The following GALNTL6 variants were observed in gnomAD, a reference collection of about 807,000 sequenced individuals.
GALNTL6 encodes polypeptide N-acetylgalactosaminyltransferase like 6.
In GALNTL6, 46 loss-of-function variants were observed where a neutral mutation model predicts 73.7. That is an observed-to-expected ratio of 0.62 (90% CI 0.49 to 0.80). The LOEUF (loss-of-function observed/expected upper bound fraction) is 0.80. GALNTL6 is among the 30% of genes least tolerant of loss of function. The probability of loss-of-function intolerance (pLI) is 0.00; values close to 1 mark genes in which losing one functional copy is unlikely to be tolerated. For missense variants in GALNTL6, 604 were observed against 755.0 expected, an observed-to-expected ratio of 0.80 and a Z score of 2.34; for synonymous variants, 259 against 263.7, an observed-to-expected ratio of 0.98 and a Z score of 0.17.
intron 4 of GALNTL6, among the ~76,000 whole-genome samples, chr4:172,343,971 C>A (rs914876590): frequency 6.6e-6 from 1 of 152,028 alleles, no homozygotes; most frequent in Admixed American, 6.6e-5. Context: ...TCCTAAACTG[C>A]AAGGTAATTT....
At chr4:171,833,733 C>G (rs958749066) in intron 2 of GALNTL6, among the ~76,000 whole-genome samples, 4 of 151,722 alleles carry the variant, frequency 2.6e-5, no homozygotes, top group Admixed American at 6.6e-5. Context: ...TTAGCATAGA[C>G]TTTGAGCTAT....
At chr4:172,005,566 C>A (rs998275809) in intron 2 of GALNTL6, among the ~76,000 whole-genome samples, 6 of 152,146 alleles carry the variant, frequency 3.9e-5, no homozygotes, top group Non-Finnish European at 1.5e-5. Context: ...AGTATATCCC[C>A]TCTCCCATCC....
chr4:172,653,251 C>G (rs1740572795), intron 5 of GALNTL6, among the ~76,000 whole-genome samples: 1 of 146,812 alleles, frequency 6.8e-6, no homozygotes, highest in Non-Finnish European at 1.5e-5. Flanking sequence ...CAAAATTTCA[C>G]TTTTTTGCCC....
chr4:172,740,781 G>A (rs1213159649), intron 5 of GALNTL6, among the ~76,000 whole-genome samples: 4 of 152,062 alleles, frequency 2.6e-5, no homozygotes, highest in Non-Finnish European at 4.4e-5. Flanking sequence ...GTTACCTAGT[G>A]TGTGTAGGTG....
chr4:172,067,142 A>G (rs1409463367), intron 2 of GALNTL6, among the ~76,000 whole-genome samples: 2 of 151,922 alleles, frequency 1.3e-5, no homozygotes, highest in Non-Finnish European at 2.9e-5. Flanking sequence ...TTGATCAACT[A>G]GATCATACAT....
At chr4:172,122,353 G>C (rs1733175015) in intron 2 of GALNTL6, among the ~76,000 whole-genome samples, 2 of 151,968 alleles carry the variant, frequency 1.3e-5, no homozygotes. Flanking sequence ...CCAATGTCTT[G>C]GAAAAAAGCT....
intron 5 of GALNTL6, among the ~76,000 whole-genome samples, chr4:172,618,116 C>G (rs936822597): frequency 6.6e-6 from 1 of 152,148 alleles, no homozygotes; most frequent in Non-Finnish European, 1.5e-5. Context: ...AGTTAGGCAG[C>G]CTTTTTTCTG....
chr4:172,905,812 CAAAAA>C (rs397996287), intron 8 of GALNTL6, among the ~76,000 whole-genome samples: 32 of 69,684 alleles, frequency 4.6e-4, no homozygotes, highest in South Asian at 1.3e-3. Flanking sequence ...AGAGATCACT[CAAAAA>C]AAAAAAAAAA....
intron 8 of GALNTL6, among the ~76,000 whole-genome samples, chr4:172,913,673 G>A (rs557654707): frequency 1.3e-5 from 2 of 152,098 alleles, no homozygotes; most frequent in Non-Finnish European, 2.9e-5. Context: ...GAAATGAAGT[G>A]AGAAGAGAAG....
intron 2 of GALNTL6, among the ~76,000 whole-genome samples, chr4:172,221,144 G>A (rs572532999): frequency 2.6e-5 from 4 of 151,832 alleles, no homozygotes; most frequent in Admixed American, 2.6e-4. Context: ...TGGTTTCTTT[G>A]TCACTATCAC....
At chr4:171,884,531 T>C (rs1368265851) in intron 2 of GALNTL6, among the ~76,000 whole-genome samples, 4 of 151,474 alleles carry the variant, frequency 2.6e-5, no homozygotes, top group African/African-American at 9.7e-5. Context: ...TATATACATA[T>C]ATAGTATATA....
intron 10 of GALNTL6, among the ~76,000 whole-genome samples, chr4:172,957,733 AAATATTGAC>A (rs1362667191): frequency 6.6e-6 from 1 of 152,220 alleles, no homozygotes; most frequent in Non-Finnish European, 1.5e-5. Flanking sequence ...GAGTCAGTAT[AAATATTGAC>A]GTGTAGTCCT....
intron 2 of GALNTL6, among the ~76,000 whole-genome samples, chr4:172,076,183 T>A (rs762579875): frequency 3.3e-5 from 5 of 152,222 alleles, no homozygotes; most frequent in Non-Finnish European, 7.3e-5. Context: ...GTTTCTCTGG[T>A]GGCTTTCATT....
At chr4:172,034,505 G>T (rs2110827383) in intron 2 of GALNTL6, among the ~76,000 whole-genome samples, 1 of 150,628 alleles carries the variant, frequency 6.6e-6, no homozygotes, top group East Asian at 2.0e-4. Context: ...AGAATATTCA[G>T]CATATATACT....
intron 7 of GALNTL6, among the ~76,000 whole-genome samples, chr4:172,867,483 G>GA (rs1561002298): frequency 6.6e-6 from 1 of 152,176 alleles, no homozygotes; most frequent in African/African-American, 2.4e-5. Flanking sequence ...GTGGCAGGAA[G>GA]AAAAATGAGA....
chr4:172,662,925 T>C (rs888959053), intron 5 of GALNTL6, among the ~76,000 whole-genome samples: 3 of 152,196 alleles, frequency 2.0e-5, no homozygotes, highest in African/African-American at 7.2e-5. Context: ...AAGGAGCTGA[T>C]ATGTGACCTG....
rs368304459 is a variant in GALNTL6, at chr4:172,562,917, G to A, written c.553+214228G>A. 1.4e-3 allele frequency among the ~76,000 whole-genome samples: 220 copies of A among 152,274 alleles called. 10 individuals carry two copies. In the South Asian group the frequency reaches 0.045, roughly 31 times the overall value. On this transcript the variant is annotated intron_variant, in intron 5 of 12. Transcript: ENST00000506823. ...TGATCTTAGCCTTGTTTCTCTAACTGTTCATGAGGCTATAGTTAGTATTTA... is the reference window on the plus strand; with the variant it reads ...TGATCTTAGCCTTGTTTCTCTAACTATTCATGAGGCTATAGTTAGTATTTA...
chr4:172,264,515 T>A (rs1289965000), intron 3 of GALNTL6, among the ~76,000 whole-genome samples: 1 of 140,136 alleles, frequency 7.1e-6, no homozygotes. Context: ...TATTTATATA[T>A]TATATTTATA....
At chr4:172,354,382 A>G (rs1346477808) in intron 5 of GALNTL6, among the ~76,000 whole-genome samples, 1 of 152,148 alleles carries the variant, frequency 6.6e-6, no homozygotes, top group East Asian at 1.9e-4. Flanking sequence ...GAAATTCAAG[A>G]TTATATGCCA....
Sources: allele counts gnomAD v4.1 joint callset (sites outside exome capture counted in the v4.1 genomes callset), GRCh38; gene constraint gnomAD v4.1.1; transcripts MANE v1.5; gene names NCBI Gene and HGNC (gene_info 2026-07-23, HGNC 2026-07-21).